The following GAS7 variants were observed in gnomAD, a reference collection of about 807,000 sequenced individuals.
GAS7 encodes growth arrest-specific protein 7.
A neutral mutation model predicts 71.1 loss-of-function variants in GAS7; 28 were observed. The observed-to-expected ratio is 0.39, with a 90% CI of 0.29 to 0.54. The LOEUF (loss-of-function observed/expected upper bound fraction) is 0.54, where lower values mean the gene tolerates loss of function less well. Among genes scored for constraint, GAS7 ranks in the 20% least tolerant of loss-of-function variants. GAS7 has a pLI of 0.62. For synonymous variants in GAS7, 258 were observed against 245.8 expected (o/e 1.05, Z -0.46); for missense variants, 436 against 627.8 (o/e 0.69, Z 3.27).
intron 1 of GAS7, among the ~76,000 whole-genome samples, chr17:10,090,320 T>C (rs183623852): frequency 6.6e-6 from 1 of 152,294 alleles, no homozygotes; most frequent in Admixed American, 6.5e-5. Flanking sequence ...GGCTTTTCAG[T>C]TTACAGCATG....
chr17:10,119,022 C>A (rs2073885037), intron 1 of GAS7, among the ~76,000 whole-genome samples: 1 of 152,138 alleles, frequency 6.6e-6, no homozygotes, highest in African/African-American at 2.4e-5. Flanking sequence ...GGAGCATATA[C>A]CATGCACCAG....
In GAS7 at chr17:9,915,805, C is replaced by T; in HGVS notation, c.*1423G>A. 1 of 231,598 alleles carries T rather than the reference C, an allele frequency of 4.3e-6. No individual in the cohort carries two copies. The highest frequency in any genetic ancestry group is 6.1e-5 in the East Asian group (1 of 16,394). The allele number at this position is 231,598 out of a possible 1,614,324, so 14.3% of individuals were successfully genotyped here. A position where few individuals can be genotyped will look rare whatever the true frequency, so the allele number is the denominator to read the frequency against. On this transcript the variant is annotated 3_prime_UTR_variant, in exon 14 of 14. Coordinates refer to ENST00000432992, the MANE Select transcript of GAS7 (RefSeq NM_201433.2). ...GCTCCCGACTAGAATCTGCCCCTCGCTCATGCTTCTCCCGGCCCCTTTAGA... is the reference window on the plus strand; with the variant it reads ...GCTCCCGACTAGAATCTGCCCCTCGTTCATGCTTCTCCCGGCCCCTTTAGA...
chr17:10,174,487 T>C (rs934661671), intron 1 of GAS7, among the ~76,000 whole-genome samples: 1 of 152,098 alleles, frequency 6.6e-6, no homozygotes, highest in African/African-American at 2.4e-5. Flanking sequence ...GGTCAGGAGA[T>C]GGAGACCATC....
At chr17:9,943,071 C>G (rs980145962) in intron 7 of GAS7, 50 bp downstream of exon 7, 37 of 1,245,124 alleles carry the variant, frequency 3.0e-5, no homozygotes, top group Non-Finnish European at 4.4e-5. Context: ...CACGGGGCCC[C>G]GGGGAACACT....
chr17:10,185,039 G>C (rs1462576931), intron 1 of GAS7, among the ~76,000 whole-genome samples: 2 of 150,634 alleles, frequency 1.3e-5, no homozygotes, highest in Non-Finnish European at 2.9e-5. Flanking sequence ...CAACTCTCCT[G>C]TCTCAGCCTC....
Position 10,174,508 on chromosome 17 carries a change from T to G in GAS7, c.183+23700A>C, listed in dbSNP as rs1210010533. On this transcript the variant is annotated intron_variant, in intron 1 of 13. Coordinates refer to ENST00000432992, the MANE Select transcript of GAS7 (RefSeq NM_201433.2). ...GAGATGGAGACCATCCTGGCTAACA[T>G]GGTGAAACCCCGTCTCTACTAAAAA... Among the ~76,000 whole-genome samples, 3 of 151,718 alleles carry G rather than the reference T, an allele frequency of 2.0e-5. No individual in the cohort carries two copies. In the South Asian group the frequency reaches 6.2e-4, roughly 31 times the overall value.
chr17:9,985,957 C>A (rs965822071), intron 2 of GAS7, among the ~76,000 whole-genome samples: 8 of 152,236 alleles, frequency 5.3e-5, no homozygotes, highest in African/African-American at 1.9e-4. Flanking sequence ...TTCTTGAGAA[C>A]CTGACCTAAG....
intron 1 of GAS7, among the ~76,000 whole-genome samples, chr17:10,114,862 C>T (rs752009014): frequency 6.6e-5 from 10 of 152,214 alleles, no homozygotes; most frequent in Admixed American, 3.3e-4. Flanking sequence ...CTCCTCTTCA[C>T]GCCATTCCAA....
intron 1 of GAS7, among the ~76,000 whole-genome samples, chr17:10,165,995 CTTTCTT>C (rs1193280518): frequency 2.7e-5 from 4 of 147,264 alleles, no homozygotes; most frequent in African/African-American, 5.0e-5. Context: ...GGACTCCTGG[CTTTCTT>C]TTTCTTTTTC....
At chr17:10,020,300 AAGGCCCC>A (rs2072217077) in intron 1 of GAS7, among the ~76,000 whole-genome samples, 1 of 152,170 alleles carries the variant, frequency 6.6e-6, no homozygotes, top group South Asian at 2.1e-4. Flanking sequence ...AGCAGCAGAC[AAGGCCCC>A]AGGCTTGCTG....
chr17:10,198,268 T>C lies in GAS7; in HGVS notation c.123A>G (p.Glu41=). 1.9e-6 allele frequency: 3 copies of C among 1,606,760 alleles called. No individual in the cohort carries two copies. The highest frequency in any genetic ancestry group is 2.5e-6 in the Non-Finnish European group (3 of 1,179,458). Residue 41 remains glutamate (E), a synonymous_variant, in exon 1 of 14, where the codon GAA becomes GAG. Transcript: ENST00000432992. ...LLQVPDGGWW[E]GEKEDGLRGW... ...CACGGAGCCCGTCCTCCTTCTCGCC[T>C]TCCCACCAGCCGCCGTCCGGGACCT...
At chr17:10,197,895 G>A (rs1240332062) in intron 1 of GAS7, among the ~76,000 whole-genome samples, 2 of 152,164 alleles carry the variant, frequency 1.3e-5, no homozygotes, top group Admixed American at 1.3e-4. Flanking sequence ...TGCCACTGCC[G>A]GGAACGCTCC....
At chr17:10,164,440 C>CAAAAA (rs765625699) in intron 1 of GAS7, among the ~76,000 whole-genome samples, 1 of 116,062 alleles carries the variant, frequency 8.6e-6, no homozygotes, top group African/African-American at 3.2e-5. Flanking sequence ...GACTCTGTCT[C>CAAAAA]AAAAAAAAAA....
intron 2 of GAS7, among the ~76,000 whole-genome samples, chr17:10,000,275 C>T (rs748743796): frequency 5.9e-5 from 9 of 152,184 alleles, no homozygotes; most frequent in Non-Finnish European, 1.2e-4. Flanking sequence ...TCCCAGGTAA[C>T]GCTGATGCTG....
chr17:9,990,800 G>C (rs2070811925), intron 2 of GAS7, among the ~76,000 whole-genome samples: 1 of 152,170 alleles, frequency 6.6e-6, no homozygotes, highest in Non-Finnish European at 1.5e-5. Context: ...TCCCGGACCA[G>C]CAACATCAGC....
At position 9,946,864 on chromosome 17, in the gene GAS7, C is replaced by A. The variant is rs374477688; in HGVS notation, c.615+30G>T. On this transcript the variant is annotated intron_variant, in intron 6 of 13. Transcript: ENST00000432992. The stretch of plus-strand genomic sequence containing the variant: ...TGTCCACTCCCGGTCACCGGGGTCA[C>A]GCTGTGGGGGAAACTGAGGCGCTGC... 3.4e-6 allele frequency: 5 copies of A among 1,491,542 alleles called. No individual in the cohort carries two copies. The South Asian group carries it at 5.7e-5, about 17-fold the overall frequency. 92.4% of individuals were successfully genotyped at this position (1,491,542 alleles called of 1,614,324 possible). A position where few individuals can be genotyped will look rare whatever the true frequency, so the allele number is the denominator to read the frequency against.
At position 9,914,521 on chromosome 17, in the gene GAS7, C is replaced by T. The variant is rs564587069; in HGVS notation, c.*2707G>A. On this transcript the variant is annotated 3_prime_UTR_variant, in exon 14 of 14. Transcript: ENST00000432992. ...GATTACAGGCGTGAGCCACCGTGCCCGACCCTTATTTGTAAAGAGTTATTT... is the reference window on the plus strand; with the variant it reads ...GATTACAGGCGTGAGCCACCGTGCCTGACCCTTATTTGTAAAGAGTTATTT... 13 of 186,826 alleles carry T rather than the reference C, an allele frequency of 7.0e-5. No individual in the cohort carries two copies. The highest frequency in any genetic ancestry group is 3.7e-4 in the Admixed American group (6 of 16,110). The allele number at this position is 186,826 out of a possible 1,614,324, so 11.6% of individuals were successfully genotyped here.
intron 1 of GAS7, among the ~76,000 whole-genome samples, chr17:10,192,405 C>T: frequency 6.6e-6 from 1 of 152,222 alleles, no homozygotes; most frequent in East Asian, 1.9e-4. Flanking sequence ...TACATGTACA[C>T]AAGGTTTCCT....
intron 1 of GAS7, among the ~76,000 whole-genome samples, chr17:10,079,565 T>A (rs1336736302): frequency 6.6e-6 from 1 of 152,232 alleles, no homozygotes; most frequent in Non-Finnish European, 1.5e-5. Flanking sequence ...AGTCTTTCAA[T>A]CAACTGCCAA....
Sources: gnomAD v4.1 joint callset for allele counts (sites outside exome capture counted in the v4.1 genomes callset) on GRCh38, gnomAD v4.1.1 for gene constraint, MANE v1.5 for transcripts, NCBI Gene and HGNC (gene_info 2026-07-23, HGNC 2026-07-21) for gene names.